Variants in CILP observed in about 807,000 individuals in gnomAD.
CILP encodes the protein cartilage intermediate layer protein 1.
In CILP, 75 loss-of-function variants were observed where a neutral mutation model predicts 82.5. The observed-to-expected ratio is 0.91, with a 90% CI of 0.75 to 1.10. The LOEUF is 1.10. CILP is among the 50% of genes least tolerant of loss of function. The pLI is 0.00. For missense variants in CILP, 1,479 were observed against 1,530.8 expected, an observed-to-expected ratio of 0.97 and a Z score of 0.56; for synonymous variants, 530 against 580.3, an observed-to-expected ratio of 0.91 and a Z score of 1.25.
At chr15:65,199,173 T>C in intron 8 of CILP, 74 bp from the exon 9 acceptor site, 1 of 997,080 alleles carries the variant, frequency 1.0e-6, no homozygotes, top group South Asian at 1.6e-5. Flanking sequence ...ACCTCACCTC[T>C]CTACAGTATT....
rs1425456948 is a variant in CILP, at chr15:65,200,997, TTTC to T, written c.1186+872_1186+874del. Among the ~76,000 whole-genome samples the T allele has an allele frequency of 3.4e-5, 4 of 118,896 alleles. No individual in the cohort carries two copies. The East Asian group carries it at 6.0e-4, about 18-fold the overall frequency. The allele number at this position is 118,896 out of a possible 152,430, so 78.0% of individuals were successfully genotyped here. On this transcript the variant is annotated intron_variant, in intron 8 of 8. Coordinates refer to ENST00000261883, the MANE Select transcript of CILP (RefSeq NM_003613.4). ...TCTCCTATTTTAGCTGCATTTTTCT[TTTC>T]TTCTTCTTCTTTTTTTTTTGAGACA...
intron 2 of CILP, among the ~76,000 whole-genome samples, chr15:65,209,303 A>T (rs2088560470): frequency 6.6e-6 from 1 of 152,116 alleles, no homozygotes; most frequent in South Asian, 2.1e-4. Context: ...AAGAATCTTC[A>T]TAAAACTAAA....
Position 65,197,808 on chromosome 15 carries a change from T to A in CILP, c.2478A>T (p.Ala826=). 1 of 1,613,856 alleles carries A rather than the reference T, an allele frequency of 6.2e-7. No individual in the cohort carries two copies. Among genetic ancestry groups the A allele is most frequent in the East Asian group, 2.2e-5 (1 of 44,868 alleles). Residue 826 remains alanine (A), a synonymous_variant, in exon 9 of 9, where the codon GCA becomes GCT. Coordinates refer to ENST00000261883, the MANE Select transcript of CILP (RefSeq NM_003613.4). ...CTTGCAGTTCCTCCCCAGCCAGGCT[T>A]GCCAAGACATAGGCAGAGTAGGCAT... The part of the protein sequence containing the change: ...SPDAYSAYVL[A]SLAGEELQAV...
intron 6 of CILP, 81 bp from the exon 7 acceptor site, chr15:65,203,551 G>T: frequency 1.0e-6 from 1 of 959,676 alleles, no homozygotes; most frequent in Non-Finnish European, 1.6e-6. Context: ...CTCCCTCAGG[G>T]TCTTTGATGT....
intron 2 of CILP, among the ~76,000 whole-genome samples, chr15:65,208,693 G>C (rs899039641): frequency 2.6e-5 from 4 of 152,192 alleles, no homozygotes; most frequent in Admixed American, 2.6e-4. Context: ...CTGGGTTGGG[G>C]TCTCCAGAAT....
rs763117021 is a variant in CILP at position 65,196,998 on chromosome 15, A to G, written c.3288T>C (p.Phe1096=). 1 of 1,614,198 alleles carries G rather than the reference A, an allele frequency of 6.2e-7. No homozygotes were observed. Residue 1096 remains phenylalanine (F), a synonymous_variant, in exon 9 of 9, where the codon TTT becomes TTC. Transcript: ENST00000261883. ...TAKEIALGRC[F]DGTSDGSSRI... The stretch of plus-strand genomic sequence containing the variant: ...TGGAGGAGCCATCGGATGTGCCATC[A>G]AAGCACCGGCCGAGCGCGATCTCCT...
At chr15:65,207,855 T>C in intron 2 of CILP, 91 bp from the exon 3 acceptor site, 1 of 1,090,098 alleles carries the variant, frequency 9.2e-7, no homozygotes, top group Non-Finnish European at 1.4e-6. Flanking sequence ...AGGTGGTGAA[T>C]GGAGCATGAG....
chr15:65,202,834 CT>C (rs10634666), intron 7 of CILP, among the ~76,000 whole-genome samples: 234 of 117,562 alleles, frequency 2.0e-3, no homozygotes, highest in South Asian at 2.0e-3. Flanking sequence ...GGGACCACAG[CT>C]TTTTTTTTTT....
Position 65,197,180 on chromosome 15 carries a change from C to A in CILP, c.3106G>T (p.Ala1036Ser). 6.2e-7 allele frequency: 1 copy of A among 1,614,022 alleles called. No individual in the cohort carries two copies. Among genetic ancestry groups the A allele is most frequent in the Non-Finnish European group, 8.5e-7 (1 of 1,180,014 alleles). Residue 1036 changes from alanine to serine, a missense_variant, in exon 9 of 9, where the codon GCC becomes TCC. Transcript: ENST00000261883. Reference protein sequence around the residue: ...KVIPQGSCRRASVNPMLHEYL... With the variant: ...KVIPQGSCRRSSVNPMLHEYL... ...TCATGCAGCATGGGGTTCACACTGG[C>A]TCGACGGCAGCTGCCCTGGGGGATG... is the stretch of plus-strand genomic sequence containing the variant.
intron 2 of CILP, among the ~76,000 whole-genome samples, chr15:65,209,012 C>CA (rs2088554920): frequency 2.9e-5 from 2 of 69,982 alleles, no homozygotes; most frequent in Non-Finnish European, 4.9e-5. Context: ...GGGTTTTGAG[C>CA]TTTTTTTTTT....
rs749851177 is a variant in CILP, at chr15:65,204,279, A to G, written c.908T>C (p.Phe303Ser). 6 of 1,613,530 alleles carry G rather than the reference A, an allele frequency of 3.7e-6. No homozygotes were observed. The African/African-American group carries it at 6.7e-5, about 18-fold the overall frequency. Reference protein sequence around the residue: ...SLKAATIKAEFVRAETPYMVM... With the variant: ...SLKAATIKAESVRAETPYMVM... ...AAGAATTTAGTTACCTGCCCTCACAAACTCTGCCTTGATGGTGGCTGCCTT... is the reference window on the plus strand; with the variant it reads ...AAGAATTTAGTTACCTGCCCTCACAGACTCTGCCTTGATGGTGGCTGCCTT... Residue 303 changes from phenylalanine to serine, a missense_variant, in exon 6 of 9, where the codon TTT becomes TCT. By Grantham distance (155) the Phe-to-Ser change is radical. Transcript: ENST00000261883.
chr15:65,202,180 T>G, intron 7 of CILP, 151 bp from the exon 8 acceptor site: 1 of 633,886 alleles, frequency 1.6e-6, no homozygotes, highest in Non-Finnish European at 2.5e-6. Context: ...CCAAGAGCAC[T>G]AATTGGCCTG....
chr15:65,202,679 C>T (rs1218524786), intron 7 of CILP, among the ~76,000 whole-genome samples: 1 of 151,928 alleles, frequency 6.6e-6, no homozygotes, highest in Admixed American at 6.6e-5. Flanking sequence ...CCACCCTCCT[C>T]GGCCTCCCAA....
Position 65,204,285 on chromosome 15 carries a change from G to A in CILP, c.902C>T (p.Ala301Val). 4 of 1,613,908 alleles carry A rather than the reference G, an allele frequency of 2.5e-6. No homozygotes were observed. Among genetic ancestry groups the A allele is most frequent in the Non-Finnish European group, 3.4e-6 (4 of 1,179,950 alleles). The change falls in exon 6 of 9, where the codon GCA (alanine) becomes GTA (valine). Residue 301 changes from alanine to valine, a missense_variant. Coordinates refer to ENST00000261883, the MANE Select transcript of CILP (RefSeq NM_003613.4). ...KTSLKAATIK[A>V]EFVRAETPYM... The stretch of plus-strand genomic sequence containing the variant: ...TTAGTTACCTGCCCTCACAAACTCT[G>A]CCTTGATGGTGGCTGCCTTCAGGCT...
At position 65,197,046 on chromosome 15, in the gene CILP, A is replaced by T; in HGVS notation, c.3240T>A (p.Thr1080=). ...LGHNYGIYTV[T]DQDPRTAKEI... ...CCTTGGCCGTGCGAGGGTCCTGGTC[A>T]GTGACAGTGTAGATGCCATAGTTGT... is the stretch of plus-strand genomic sequence containing the variant. The change falls in exon 9 of 9, where the codon ACT becomes ACA. Residue 1080 remains threonine (T), a synonymous_variant. Coordinates refer to ENST00000261883, the MANE Select transcript of CILP (RefSeq NM_003613.4). 1 of 1,614,214 alleles carries T rather than the reference A, an allele frequency of 6.2e-7. No homozygotes were observed. The highest frequency in any genetic ancestry group is 1.6e-4 in the Middle Eastern group (1 of 6,062).
chr15:65,210,004 T>TC (rs2088567374), intron 1 of CILP, 143 bp from the exon 2 acceptor site: 3 of 477,714 alleles, frequency 6.3e-6, no homozygotes, highest in African/African-American at 5.9e-5. Flanking sequence ...TGAAACCAGG[T>TC]AGCTTGGGAG....
rs571248185 is a variant in CILP at position 65,206,865 on chromosome 15, C to T, written c.341G>A (p.Arg114His). 2.7e-5 allele frequency: 43 copies of T among 1,614,028 alleles called. No homozygotes were observed. In the South Asian group the frequency reaches 3.0e-4, roughly 11 times the overall value. ...STGQVVHGSPREGFWCLNREQ... is the reference protein window; with the variant it reads ...STGQVVHGSPHEGFWCLNREQ... ...CCTGTTGAGGCACCAGAAACCCTCA[C>T]GGGGACTACCATGGACCACCTGGCC... The change falls in exon 4 of 9, where the codon CGT (arginine) becomes CAT (histidine). Residue 114 changes from arginine to histidine, a missense_variant. By Grantham distance (29) the Arg-to-His change is conservative (BLOSUM62 0). Transcript: ENST00000261883.
intron 8 of CILP, 133 bp downstream of exon 8, chr15:65,201,728 CAAAAAAAAAAA>C (rs59737757): frequency 1.5e-4 from 40 of 270,274 alleles, no homozygotes; most frequent in African/African-American, 3.2e-4. Flanking sequence ...GACTCCATCT[CAAAAAAAAAAA>C]AAAAAAAAAA....
At chr15:65,202,065 G>A (rs747791788) in intron 7 of CILP, 36 bp from the exon 8 acceptor site, 3 of 1,471,998 alleles carry the variant, frequency 2.0e-6, no homozygotes, top group South Asian at 1.4e-5. Context: ...TGAATGGGCA[G>A]TGGGAGGGCA....
Sources: gnomAD v4.1 joint callset for allele counts (sites outside exome capture counted in the v4.1 genomes callset) on GRCh38, gnomAD v4.1.1 for gene constraint, MANE v1.5 for transcripts, NCBI Gene and HGNC (gene_info 2026-07-23, HGNC 2026-07-21) for gene names.